The following FAM135A variants were observed in gnomAD, a reference collection of about 807,000 sequenced individuals.
The protein encoded by FAM135A is family with sequence similarity 135 member A.
Under a neutral mutation model 146.8 loss-of-function variants are expected in FAM135A, and 79 were observed. The observed-to-expected ratio is 0.54, with a 90% CI of 0.45 to 0.65. The LOEUF is 0.65. Ranked by LOEUF, FAM135A falls within the 30% of genes least tolerant of loss-of-function variation. The pLI is 0.00. For synonymous variants in FAM135A, 562 were observed against 603.6 expected (o/e 0.93, Z 1.01); for missense variants, 1,623 against 1,758.2 (o/e 0.92, Z 1.38).
intron 5 of FAM135A, among the ~76,000 whole-genome samples, chr6:70,465,516 C>CTTAAGTA (rs1780284166): frequency 1.3e-5 from 2 of 152,024 alleles, no homozygotes; most frequent in African/African-American, 4.8e-5. Context: ...ACCTCTTGAG[C>CTTAAGTA]TTAAGTAGTC....
chr6:70,515,196 C>T (rs1791921654), intron 12 of FAM135A, among the ~76,000 whole-genome samples: 1 of 152,168 alleles, frequency 6.6e-6, no homozygotes, highest in South Asian at 2.1e-4. Flanking sequence ...CTTTGGAAGA[C>T]ACTTTGGTAG....
Position 70,414,026 on chromosome 6 carries a change from C to T in FAM135A, c.-220+324C>T, listed in dbSNP as rs1766905711. The T allele has an allele frequency of 4.1e-6, 4 of 985,774 alleles. No homozygotes were observed. In the South Asian group the frequency reaches 1.9e-4, roughly 46 times the overall value. 61.1% of individuals were successfully genotyped at this position (985,774 alleles called of 1,614,324 possible). ...TCGCGCCTAGCGTGTTTGCCCTTCACCCCTGCTCCATCTTCGTCGCTCTGT... is the reference window on the plus strand; with the variant it reads ...TCGCGCCTAGCGTGTTTGCCCTTCATCCCTGCTCCATCTTCGTCGCTCTGT... On this transcript the variant is annotated intron_variant, in intron 1 of 21. Transcript: ENST00000418814.
Position 70,454,898 on chromosome 6 carries a change from G to T in FAM135A, c.157+2327G>T, listed in dbSNP as rs578215472. On this transcript the variant is annotated intron_variant, in intron 5 of 21. Coordinates refer to ENST00000418814, the MANE Select transcript of FAM135A (RefSeq NM_001162529.3). ...AGCTTTGTTCTTTTTGCTTAGGATTGTCTTGGCAATGCAGGCTCTTTTTTG... is the reference window on the plus strand; with the variant it reads ...AGCTTTGTTCTTTTTGCTTAGGATTTTCTTGGCAATGCAGGCTCTTTTTTG... 9.9e-5 allele frequency among the ~76,000 whole-genome samples: 15 copies of T among 152,234 alleles called. No individual in the cohort carries two copies. The East Asian group carries it at 2.7e-3, about 27-fold the overall frequency.
At chr6:70,506,235 G>A (rs1789740861) in intron 12 of FAM135A, among the ~76,000 whole-genome samples, 1 of 152,100 alleles carries the variant, frequency 6.6e-6, no homozygotes, top group South Asian at 2.1e-4. Flanking sequence ...GACAAGACTT[G>A]AAAGGCAGTC....
chr6:70,430,119 C>T (rs909683903), intron 4 of FAM135A, among the ~76,000 whole-genome samples: 6 of 151,886 alleles, frequency 4.0e-5, no homozygotes, highest in Non-Finnish European at 7.4e-5. Flanking sequence ...GGCAGATCAC[C>T]AGAGTTCAGG....
intron 15 of FAM135A, among the ~76,000 whole-genome samples, chr6:70,527,034 G>T (rs961817523): frequency 3.3e-5 from 5 of 151,966 alleles, no homozygotes; most frequent in African/African-American, 1.2e-4. Context: ...TAGAAGTATG[G>T]AATAACTGAG....
rs943918245 is a variant in FAM135A at position 70,559,455 on chromosome 6, A to T, written c.4343-261A>T. Among the ~76,000 whole-genome samples, 21 of 152,090 alleles carry T rather than the reference A, an allele frequency of 1.4e-4. No individual in the cohort carries two copies. In the East Asian group the frequency reaches 1.5e-3, roughly 11 times the overall value. On this transcript the variant is annotated intron_variant, in intron 21 of 21. Coordinates refer to ENST00000418814, the MANE Select transcript of FAM135A (RefSeq NM_001162529.3). ...AAACTCCATCTCAAAAATAAAAAAA[A>T]AAAAAAATCAAATTTCAAGAATAAT...
chr6:70,490,482 T>C (rs1378491141), intron 10 of FAM135A, among the ~76,000 whole-genome samples: 1 of 152,114 alleles, frequency 6.6e-6, no homozygotes, highest in Non-Finnish European at 1.5e-5. Flanking sequence ...TATGCAAATA[T>C]CTGCCTCAGT....
Position 70,487,083 on chromosome 6 carries a change from CAAAAAAAAAAAA to C in FAM135A, c.824-3937_824-3926del, listed in dbSNP as rs34560435. ...GGGCAAGAGAGTCGGACTCCCATCT[CAAAAAAAAAAAA>C]AAAAAAAAAAAAAGCTTTAAAAAAA... On this transcript the variant is annotated intron_variant, in intron 10 of 21. Coordinates refer to ENST00000418814, the MANE Select transcript of FAM135A (RefSeq NM_001162529.3). Among the ~76,000 whole-genome samples the C allele has an allele frequency of 1.5e-3, 60 of 40,618 alleles. 3 individuals are homozygous for C. Among genetic ancestry groups the C allele is most frequent in the Admixed American group, 4.3e-3 (11 of 2,566 alleles). The allele number at this position is 40,618 out of a possible 152,430, so 26.6% of individuals were successfully genotyped here.
intron 5 of FAM135A, among the ~76,000 whole-genome samples, chr6:70,457,633 A>C (rs1426952284): frequency 6.6e-6 from 1 of 152,206 alleles, no homozygotes; most frequent in Non-Finnish European, 1.5e-5. Context: ...TATTTTATGG[A>C]CAACCCTATT....
intron 8 of FAM135A, among the ~76,000 whole-genome samples, chr6:70,478,605 CATCTTTCATTCT>C (rs1783068990): frequency 6.6e-6 from 1 of 152,116 alleles, no homozygotes; most frequent in Non-Finnish European, 1.5e-5. Context: ...TAATTGAAAA[CATCTTTCATTCT>C]GTTGCTCTCT....
chr6:70,440,017 T>G (rs1774095986), intron 4 of FAM135A, among the ~76,000 whole-genome samples: 1 of 152,220 alleles, frequency 6.6e-6, no homozygotes, highest in Non-Finnish European at 1.5e-5. Flanking sequence ...ATAATCCAGT[T>G]AGTGTACACA....
At chr6:70,485,673 A>T (rs1784482760) in intron 10 of FAM135A, among the ~76,000 whole-genome samples, 1 of 152,194 alleles carries the variant, frequency 6.6e-6, no homozygotes, top group Non-Finnish European at 1.5e-5. Context: ...CTTTTCTAAA[A>T]TATGTTCCCT....
intron 11 of FAM135A, among the ~76,000 whole-genome samples, chr6:70,498,838 A>G (rs1175117879): frequency 6.6e-6 from 1 of 152,182 alleles, no homozygotes; most frequent in Non-Finnish European, 1.5e-5. Context: ...GTGGTCTGAG[A>G]GACTGTTTAT....
At chr6:70,491,600 C>G (rs1414382927) in intron 11 of FAM135A, among the ~76,000 whole-genome samples, 1 of 151,830 alleles carries the variant, frequency 6.6e-6, no homozygotes, top group Non-Finnish European at 1.5e-5. Context: ...TGGAAGAAAT[C>G]AGAGGTGTGA....
intron 4 of FAM135A, among the ~76,000 whole-genome samples, chr6:70,446,923 C>T (rs759114865): frequency 7.2e-5 from 11 of 152,206 alleles, no homozygotes; most frequent in South Asian, 2.1e-4. Context: ...ACTTGTGCTC[C>T]GCACTGTTGT....
At chr6:70,520,287 G>C (rs1175359261) in intron 12 of FAM135A, among the ~76,000 whole-genome samples, 1 of 151,682 alleles carries the variant, frequency 6.6e-6, no homozygotes, top group Non-Finnish European at 1.5e-5. Flanking sequence ...TGATAATTTT[G>C]CTATGAGTTA....
chr6:70,464,658 C>CTTTTTTTTTTTTTTTTT lies in FAM135A; in HGVS notation c.158-10744_158-10743insTTTTTTTTTTTTTTTTT, dbSNP rs754818109. On this transcript the variant is annotated intron_variant, in intron 5 of 21. Coordinates refer to ENST00000418814, the MANE Select transcript of FAM135A (RefSeq NM_001162529.3). Reference sequence around the variant, plus strand: ...TTTAAATTTCTTTCTTTCTTTCTTTCTTTTTTTTCTTTTTTTTTTTTTTTT... The same window carrying CTTTTTTTTTTTTTTTTT: ...TTTAAATTTCTTTCTTTCTTTCTTTCTTTTTTTTTTTTTTTTTTTTTTTTTCTTTTTTTTTTTTTTTT... 6.9e-4 allele frequency among the ~76,000 whole-genome samples: 69 copies of CTTTTTTTTTTTTTTTTT among 100,412 alleles called. 5 individuals carry two copies. The highest frequency in any genetic ancestry group is 2.4e-3 in the African/African-American group (64 of 26,678). 65.9% of individuals were successfully genotyped at this position (100,412 alleles called of 152,430 possible). A position where few individuals can be genotyped will look rare whatever the true frequency, so the allele number is the denominator to read the frequency against.
intron 4 of FAM135A, among the ~76,000 whole-genome samples, chr6:70,435,110 T>TATATATA (rs1491382108): frequency 1.5e-5 from 1 of 66,032 alleles, no homozygotes; most frequent in Admixed American, 1.4e-4. Context: ...TATATATATA[T>TATATATA]TTTTTTTTTT....
Sources: gnomAD v4.1 joint callset for allele counts (sites outside exome capture counted in the v4.1 genomes callset) on GRCh38, gnomAD v4.1.1 for gene constraint, MANE v1.5 for transcripts, NCBI Gene and HGNC (gene_info 2026-07-23, HGNC 2026-07-21) for gene names.